NCK2: variants seen among roughly 807,000 people sequenced by gnomAD.
The protein encoded by NCK2 is cytoplasmic protein NCK2.
In NCK2, 16 loss-of-function variants were observed where a neutral mutation model predicts 33.9. The ratio of observed to expected loss-of-function variants is 0.47; its 90% CI spans 0.32 to 0.72. The LOEUF (loss-of-function observed/expected upper bound fraction) is 0.72. NCK2 is among the 30% of genes least tolerant of loss of function. The pLI, the probability that NCK2 is intolerant of heterozygous loss-of-function variation, is 0.03. For synonymous variants in NCK2, 273 were observed against 239.9 expected, an observed-to-expected ratio of 1.14 and a Z score of -1.27; for missense variants, 418 against 537.3, an observed-to-expected ratio of 0.78 and a Z score of 2.19.
intron 1 of NCK2, among the ~76,000 whole-genome samples, chr2:105,766,089 G>T (rs1207445340): frequency 1.3e-5 from 2 of 152,034 alleles, no homozygotes; most frequent in African/African-American, 4.8e-5. Context: ...AGTAGAAATC[G>T]CTTTATACTG....
chr2:105,787,046 C>T (rs1690704602), intron 1 of NCK2, among the ~76,000 whole-genome samples: 1 of 152,242 alleles, frequency 6.6e-6, no homozygotes, highest in South Asian at 2.1e-4. Flanking sequence ...CTCTTCTGCC[C>T]TTTGCTGCGA....
At chr2:105,775,557 C>T (rs1690271500) in intron 1 of NCK2, among the ~76,000 whole-genome samples, 3 of 152,096 alleles carry the variant, frequency 2.0e-5, no homozygotes, top group African/African-American at 7.2e-5. Context: ...GGGTTTTAAA[C>T]ATTATTTATG....
chr2:105,762,110 A>G (rs1204232443), intron 1 of NCK2, among the ~76,000 whole-genome samples: 1 of 152,196 alleles, frequency 6.6e-6, no homozygotes, highest in Non-Finnish European at 1.5e-5. Context: ...TTTGCTAGAA[A>G]ATTAAGGACA....
intron 1 of NCK2, chr2:105,745,629 C>A (rs759466997): frequency 6.6e-6 from 1 of 152,292 alleles, no homozygotes; most frequent in Non-Finnish European, 1.5e-5. Flanking sequence ...CGGGGGAGGC[C>A]GCGATCGGCC....
chr2:105,767,031 C>T (rs1689973084), intron 1 of NCK2, among the ~76,000 whole-genome samples: 1 of 152,044 alleles, frequency 6.6e-6, no homozygotes, highest in Non-Finnish European at 1.5e-5. Flanking sequence ...CACACCTACT[C>T]TTATGGTCAG....
chr2:105,824,564 G>A (rs1212944600), intron 2 of NCK2, among the ~76,000 whole-genome samples: 1 of 152,116 alleles, frequency 6.6e-6, no homozygotes, highest in Admixed American at 6.6e-5. Context: ...CAACCTGAGA[G>A]CTCATTTAGT....
chr2:105,781,317 C>G (rs1690490806), intron 1 of NCK2, among the ~76,000 whole-genome samples: 1 of 152,228 alleles, frequency 6.6e-6, no homozygotes. Context: ...TTTGCAGGTC[C>G]TGTTGCTGAC....
chr2:105,884,505 G>C (rs1015769894), intron 4 of NCK2, among the ~76,000 whole-genome samples: 2 of 152,176 alleles, frequency 1.3e-5, no homozygotes, highest in African/African-American at 2.4e-5. Context: ...TATCACATGA[G>C]GCCTGGCTTC....
At chr2:105,877,896 A>G (rs956665421) in intron 3 of NCK2, among the ~76,000 whole-genome samples, 6 of 152,210 alleles carry the variant, frequency 3.9e-5, no homozygotes, top group African/African-American at 1.2e-4. Context: ...CCACAAATTA[A>G]GAAGTTGCCC....
chr2:105,762,446 G>C (rs1429413404), intron 1 of NCK2, among the ~76,000 whole-genome samples: 1 of 152,194 alleles, frequency 6.6e-6, no homozygotes, highest in Non-Finnish European at 1.5e-5. Flanking sequence ...CTGGAATCTA[G>C]AGATTCGCTG....
intron 1 of NCK2, among the ~76,000 whole-genome samples, chr2:105,793,578 A>G (rs1409777977): frequency 3.3e-5 from 5 of 152,242 alleles, no homozygotes; most frequent in Non-Finnish European, 5.9e-5. Context: ...CTGGTTCCCC[A>G]GTATCCACCA....
chr2:105,849,040 G>T (rs1165745598), intron 2 of NCK2, among the ~76,000 whole-genome samples: 1 of 152,136 alleles, frequency 6.6e-6, no homozygotes, highest in East Asian at 1.9e-4. Context: ...TATCCTGGAA[G>T]TAACATGTTA....
At chr2:105,859,711 CAA>C (rs1677438671) in intron 3 of NCK2, among the ~76,000 whole-genome samples, 1 of 152,210 alleles carries the variant, frequency 6.6e-6, no homozygotes, top group African/African-American at 2.4e-5. Context: ...TTGAACTGAT[CAA>C]AGTCACAAGG....
chr2:105,866,362 C>T (rs1677760934), intron 3 of NCK2, among the ~76,000 whole-genome samples: 1 of 152,204 alleles, frequency 6.6e-6, no homozygotes, highest in Admixed American at 6.5e-5. Context: ...GATCCTGTTA[C>T]ACAGATGGCT....
chr2:105,871,399 A>T (rs1262100686), intron 3 of NCK2, among the ~76,000 whole-genome samples: 2 of 151,986 alleles, frequency 1.3e-5, no homozygotes, highest in Non-Finnish European at 2.9e-5. Flanking sequence ...TTTACCATGG[A>T]GGGAAGGCCA....
chr2:105,863,390 C>T (rs902135275), intron 3 of NCK2, among the ~76,000 whole-genome samples: 7 of 152,062 alleles, frequency 4.6e-5, no homozygotes, highest in African/African-American at 1.4e-4. Context: ...TTGGAAATCC[C>T]GTCTGAGCCA....
rs572737182 is a variant in NCK2, at chr2:105,891,466, C to G, written c.949-1516C>G. On this transcript the variant is annotated intron_variant, in intron 4 of 4. Transcript: ENST00000233154. The stretch of plus-strand genomic sequence containing the variant: ...TTGATCAAAACTTGATATTTTTGTA[C>G]AAAGAACATTTATCGTTCAGTATCT... 4.9e-5 allele frequency among the ~76,000 whole-genome samples: 7 copies of G among 143,070 alleles called. No individual in the cohort carries two copies. In the South Asian group the frequency reaches 1.6e-3, roughly 32 times the overall value. 93.9% of individuals were successfully genotyped at this position (143,070 alleles called of 152,430 possible). A position where few individuals can be genotyped will look rare whatever the true frequency, so the allele number is the denominator to read the frequency against.
At chr2:105,816,740 A>C (rs1675502234) in intron 2 of NCK2, 127 bp downstream of exon 2, 1 of 152,212 alleles carries the variant, frequency 6.6e-6, no homozygotes, top group African/African-American at 2.4e-5. Flanking sequence ...ATTAAATTTA[A>C]GCTTTCAATG....
In NCK2 at chr2:105,891,565, T is replaced by TAGA. The variant is rs1678982509; in HGVS notation, c.949-1417_949-1416insAGA. On this transcript the variant is annotated intron_variant, in intron 4 of 4. Coordinates refer to ENST00000233154, the MANE Select transcript of NCK2 (RefSeq NM_003581.5). ...TTTTTTTTTTTTTTTTTTTTTTTTT[T>TAGA]TTTGAGATTTTTCGCTCTTGTTGCC... 4.2e-4 allele frequency among the ~76,000 whole-genome samples: 7 copies of TAGA among 16,478 alleles called. 1 individual carries two copies. The highest frequency in any genetic ancestry group is 2.9e-3 in the South Asian group (1 of 350). The allele number at this position is 16,478 out of a possible 152,430, so 10.8% of individuals were successfully genotyped here. A position where few individuals can be genotyped will look rare whatever the true frequency, so the allele number is the denominator to read the frequency against.
Sources: gnomAD v4.1 joint callset for allele counts (sites outside exome capture counted in the v4.1 genomes callset) on GRCh38, gnomAD v4.1.1 for gene constraint, MANE v1.5 for transcripts, NCBI Gene and HGNC (gene_info 2026-07-23, HGNC 2026-07-21) for gene names.